SLC13A4: variants seen among roughly 807,000 people sequenced by gnomAD.
SLC13A4 encodes Na(+)/sulfate cotransporter SUT-1.
SLC13A4 carries 28 observed loss-of-function variants against 72.7 expected under a neutral mutation model. That is an observed-to-expected ratio of 0.39 (90% CI 0.29 to 0.53). The LOEUF is 0.53. Among genes scored for constraint, SLC13A4 ranks in the 20% least tolerant of loss-of-function variants. SLC13A4 has a pLI of 0.78. For synonymous variants in SLC13A4, 312 were observed against 325.5 expected (o/e 0.96, Z 0.45); for missense variants, 653 against 788.0 (o/e 0.83, Z 2.05).
At position 135,685,593 on chromosome 7, in the gene SLC13A4, C is replaced by T. The variant is rs372605570; in HGVS notation, c.1537G>A (p.Val513Met). The change falls in exon 14 of 16, where the codon GTG becomes ATG. Residue 513 changes from valine to methionine, a missense_variant. By Grantham distance (21) the Val-to-Met change is conservative. Transcript: ENST00000682651. ...WAVTLLACIL[V>M]SIVTEFVSNP... ...CTCACAAACTCAGTGACAATGGACA[C>T]GAGGATGCATGCCAGCAGGGTGACA... 2.5e-5 allele frequency: 40 copies of T among 1,614,048 alleles called. No individual in the cohort carries two copies. The highest frequency in any genetic ancestry group is 1.6e-4 in the Middle Eastern group (1 of 6,084).
intron 2 of SLC13A4, among the ~76,000 whole-genome samples, chr7:135,709,396 T>C (rs1355134959): frequency 1.3e-5 from 2 of 149,014 alleles, no homozygotes; most frequent in Non-Finnish European, 3.0e-5. Context: ...AATACTTCAG[T>C]GTATATTTTC....
intron 2 of SLC13A4, among the ~76,000 whole-genome samples, chr7:135,720,681 T>C (rs1452737978): frequency 6.6e-6 from 1 of 152,034 alleles, no homozygotes; most frequent in Admixed American, 6.6e-5. Flanking sequence ...GGTCCCAGGT[T>C]CTGGCTGTTT....
chr7:135,709,429 A>ATTTTTT (rs1563166250), intron 2 of SLC13A4, among the ~76,000 whole-genome samples: 35,002 of 90,256 alleles, frequency 0.39, 4,382 homozygotes, highest in East Asian at 0.5. Context: ...TTTTTTTAAA[A>ATTTTTT]AAAAATTTGA....
chr7:135,714,835 T>C (rs1171368868), intron 2 of SLC13A4, among the ~76,000 whole-genome samples: 1 of 152,156 alleles, frequency 6.6e-6, no homozygotes, highest in African/African-American at 2.4e-5. Context: ...CGGCTGCGGG[T>C]TATCCCAGCG....
chr7:135,696,502 A>G (rs1197298507), intron 8 of SLC13A4, among the ~76,000 whole-genome samples: 1 of 151,948 alleles, frequency 6.6e-6, no homozygotes, highest in Non-Finnish European at 1.5e-5. Flanking sequence ...ACAGGAGCAC[A>G]CTACCATGCC....
intron 15 of SLC13A4, among the ~76,000 whole-genome samples, chr7:135,682,380 G>T (rs1021638140): frequency 2.6e-5 from 4 of 152,252 alleles, no homozygotes; most frequent in African/African-American, 7.2e-5. Flanking sequence ...AGAGCCAGAT[G>T]GAAAAATGTG....
At chr7:135,719,781 ATGTGTGTGTGTGTGTGTGTGTATGTGTG>A (rs1305365988) in intron 2 of SLC13A4, among the ~76,000 whole-genome samples, 10 of 146,016 alleles carry the variant, frequency 6.8e-5, no homozygotes, top group Middle Eastern at 3.3e-3. Context: ...TCAATGCCAC[ATGTGTGTGTGTGTGTGTGTGTATGTGTG>A]TGTGTGTGTG....
chr7:135,710,025 A>T (rs1337654263), intron 2 of SLC13A4, among the ~76,000 whole-genome samples: 1 of 152,250 alleles, frequency 6.6e-6, no homozygotes, highest in Admixed American at 6.5e-5. Flanking sequence ...TATTTGTCAC[A>T]TACATGAGAA....
intron 2 of SLC13A4, among the ~76,000 whole-genome samples, chr7:135,709,862 C>G (rs1193440312): frequency 1.3e-5 from 2 of 152,178 alleles, no homozygotes; most frequent in Non-Finnish European, 1.5e-5. Context: ...TGGAGCAATG[C>G]TTGAATGATT....
intron 1 of SLC13A4, 38 bp downstream of exon 1, chr7:135,727,360 G>T: frequency 6.5e-7 from 1 of 1,541,340 alleles, no homozygotes; most frequent in Non-Finnish European, 8.8e-7. Flanking sequence ...CCCTCCCACT[G>T]ACTCCCAGAC....
intron 5 of SLC13A4, 44 bp from the exon 6 acceptor site, chr7:135,702,928 A>T: frequency 6.6e-7 from 1 of 1,506,252 alleles, no homozygotes; most frequent in Non-Finnish European, 9.2e-7. Flanking sequence ...AGTGAGGCCG[A>T]CTCTTGGGAG....
chr7:135,684,176 T>C lies in SLC13A4; in HGVS notation c.1694A>G (p.Asn565Ser), dbSNP rs1795569709. The change falls in exon 15 of 16, where the codon AAT becomes AGT. Residue 565 changes from asparagine (N) to serine (S), a missense_variant. Coordinates refer to ENST00000682651, the MANE Select transcript of SLC13A4 (RefSeq NM_001318192.2). Reference sequence around the variant, plus strand: ...GCTGAAGACGATGGCATTAGGGGGATTGCCCACAGGCAGCATCACTGCAAA... The same window carrying C: ...GCTGAAGACGATGGCATTAGGGGGACTGCCCACAGGCAGCATCACTGCAAA... The part of the protein sequence containing the change: ...ISFAVMLPVG[N>S]PPNAIVFSYG... 9 of 1,613,048 alleles carry C rather than the reference T, an allele frequency of 5.6e-6. No homozygotes were observed. Among genetic ancestry groups the C allele is most frequent in the Non-Finnish European group, 7.6e-6 (9 of 1,179,426 alleles).
intron 14 of SLC13A4, 106 bp from the exon 15 acceptor site, chr7:135,684,367 C>T (rs911530296): frequency 2.9e-6 from 4 of 1,368,234 alleles, no homozygotes; most frequent in East Asian, 4.9e-5. Flanking sequence ...CTAACCTTAG[C>T]AGGACACTAT....
At chr7:135,699,208 C>T (rs1178888522) in intron 8 of SLC13A4, among the ~76,000 whole-genome samples, 156 bp downstream of exon 8, 1 of 152,186 alleles carries the variant, frequency 6.6e-6, no homozygotes, top group Admixed American at 6.5e-5. Flanking sequence ...CCCAATGTGC[C>T]TTATTACAGA....
chr7:135,699,666 C>A, intron 7 of SLC13A4, 118 bp from the exon 8 acceptor site: 2 of 471,338 alleles, frequency 4.2e-6, no homozygotes, highest in Non-Finnish European at 5.7e-6. Flanking sequence ...GTCAGAAAGA[C>A]AAATCACAGT....
In SLC13A4 at chr7:135,711,963, ATTTTTTTTT is replaced by A. The variant is rs529940903; in HGVS notation, c.229-3722_229-3714del. On this transcript the variant is annotated intron_variant, in intron 2 of 15. Transcript: ENST00000682651. ...CACTACACCTGGCTAATGTTTTTGGATTTTTTTTTTTTTTTTTTTTTTTTTTTTTTTTTT... is the reference window on the plus strand; with the variant it reads ...CACTACACCTGGCTAATGTTTTTGGATTTTTTTTTTTTTTTTTTTTTTTTT... 9.9e-3 allele frequency among the ~76,000 whole-genome samples: 464 copies of A among 46,876 alleles called. 5 individuals carry two copies. Among genetic ancestry groups the A allele is most frequent in the African/African-American group, 0.017 (226 of 13,478 alleles). The allele number at this position is 46,876 out of a possible 152,430, so 30.8% of individuals were successfully genotyped here.
intron 1 of SLC13A4, among the ~76,000 whole-genome samples, chr7:135,725,706 C>T (rs568889261): frequency 6.3e-4 from 96 of 152,270 alleles, no homozygotes; most frequent in African/African-American, 2.3e-3. Flanking sequence ...CACGGTGGCT[C>T]ACACCTGTAA....
intron 8 of SLC13A4, among the ~76,000 whole-genome samples, chr7:135,698,161 T>C (rs1156483309): frequency 6.6e-6 from 1 of 151,818 alleles, no homozygotes; most frequent in Non-Finnish European, 1.5e-5. Context: ...GCCTCCTAAG[T>C]AGCTGGGATT....
intron 1 of SLC13A4, among the ~76,000 whole-genome samples, chr7:135,723,309 G>A (rs1796585380): frequency 6.6e-6 from 1 of 152,128 alleles, no homozygotes; most frequent in African/African-American, 2.4e-5. Flanking sequence ...GGACAACCTA[G>A]GGGTGCACAG....
Sources: allele counts gnomAD v4.1 joint callset (sites outside exome capture counted in the v4.1 genomes callset), GRCh38; gene constraint gnomAD v4.1.1; transcripts MANE v1.5; gene names NCBI Gene and HGNC (gene_info 2026-07-23, HGNC 2026-07-21).